RAB11FIP5: variants seen among roughly 807,000 people sequenced by gnomAD.
The protein encoded by RAB11FIP5 is RAB11 family interacting protein 5.
RAB11FIP5 carries 48 observed loss-of-function variants against 85.1 expected under a neutral mutation model. The ratio of observed to expected loss-of-function variants is 0.56; its 90% CI spans 0.45 to 0.72. The LOEUF is 0.72. RAB11FIP5 is among the 30% of genes least tolerant of loss of function. The probability of loss-of-function intolerance (pLI) is 0.00; values close to 1 mark genes in which losing one functional copy is unlikely to be tolerated. For missense variants in RAB11FIP5, 1,491 were observed against 1,687.0 expected, an observed-to-expected ratio of 0.88 and a Z score of 2.04; for synonymous variants, 729 against 727.3, an observed-to-expected ratio of 1.00 and a Z score of -0.04.
chr2:73,104,312 T>A (rs1178281634), intron 1 of RAB11FIP5, among the ~76,000 whole-genome samples: 4 of 152,094 alleles, frequency 2.6e-5, no homozygotes, highest in Non-Finnish European at 5.9e-5. Flanking sequence ...GTGTGGTGGC[T>A]CACACCTGTA....
chr2:73,109,440 T>C (rs779708671), intron 1 of RAB11FIP5, among the ~76,000 whole-genome samples: 1 of 152,248 alleles, frequency 6.6e-6, no homozygotes, highest in Non-Finnish European at 1.5e-5. Flanking sequence ...TGTACAACTC[T>C]ATGATTATTA....
intron 1 of RAB11FIP5, among the ~76,000 whole-genome samples, chr2:73,106,631 A>C (rs1684532899): frequency 6.6e-6 from 1 of 152,224 alleles, no homozygotes; most frequent in African/African-American, 2.4e-5. Flanking sequence ...ACTTCCACAG[A>C]AACTCCGGGG....
At position 73,112,769 on chromosome 2, in the gene RAB11FIP5, C is replaced by T. The variant is rs1392866835; in HGVS notation, c.9G>A (p.Leu3=). The T allele has an allele frequency of 6.9e-6, 10 of 1,448,708 alleles. No individual in the cohort carries two copies. The highest frequency in any genetic ancestry group is 9.0e-6 in the Non-Finnish European group (10 of 1,107,876). 89.7% of individuals were successfully genotyped at this position (1,448,708 alleles called of 1,614,324 possible). ...CCGCCGCCGGCTCCGCGCCCCGCACCAGGGCCATGGCGGAGAAGCGGGGGG... is the reference window on the plus strand; with the variant it reads ...CCGCCGCCGGCTCCGCGCCCCGCACTAGGGCCATGGCGGAGAAGCGGGGGG... The part of the protein sequence containing the change: MA[L]VRGAEPAAGP... The change falls in exon 1 of 6, where the codon CTG becomes CTA. Residue 3 remains leucine, a synonymous_variant. Coordinates refer to ENST00000486777, the MANE Select transcript of RAB11FIP5 (RefSeq NM_001371272.1).
rs905102578 is a variant in RAB11FIP5 at position 73,080,518 on chromosome 2, G to A, written c.2714C>T (p.Pro905Leu). ...LQPSTPPPKP[P>L]RLFTPSRSQE... ...GGATCTTGAGGGTGTGAAGAGGCGCGGTGGCTTGGGAGGTGGGGTGCTGGG... is the reference window on the plus strand; with the variant it reads ...GGATCTTGAGGGTGTGAAGAGGCGCAGTGGCTTGGGAGGTGGGGTGCTGGG... The change falls in exon 4 of 6, where the codon CCG becomes CTG. Residue 905 changes from proline to leucine, a missense_variant. By Grantham distance (98) the Pro-to-Leu change is moderately conservative. Coordinates refer to ENST00000486777, the MANE Select transcript of RAB11FIP5 (RefSeq NM_001371272.1). 39 of 1,232,876 alleles carry A rather than the reference G, an allele frequency of 3.2e-5. No homozygotes were observed. Among genetic ancestry groups the A allele is most frequent in the South Asian group, 4.1e-5 (1 of 24,326 alleles). 76.4% of individuals were successfully genotyped at this position (1,232,876 alleles called of 1,614,324 possible).
intron 1 of RAB11FIP5, among the ~76,000 whole-genome samples, chr2:73,101,973 A>G (rs1435228236): frequency 6.6e-6 from 1 of 152,234 alleles, no homozygotes; most frequent in Admixed American, 6.5e-5. Flanking sequence ...AGACAGCCAC[A>G]TAGCTAACGG....
chr2:73,111,210 T>C (rs1275274856), intron 1 of RAB11FIP5, among the ~76,000 whole-genome samples: 2 of 151,988 alleles, frequency 1.3e-5, no homozygotes, highest in African/African-American at 4.8e-5. Context: ...TCCACACCCA[T>C]GTTTCAGAAA....
rs1683919559 is a variant in RAB11FIP5 at position 73,079,248 on chromosome 2, C to A, written c.3581+403G>T. 2.0e-5 allele frequency among the ~76,000 whole-genome samples: 3 copies of A among 152,050 alleles called. No individual in the cohort carries two copies. The South Asian group carries it at 6.2e-4, about 32-fold the overall frequency. ...CTGCCACGGTCTGCCCCAAGAACTA[C>A]CCCCTGATTGACAAGTTCCACCGCC... On this transcript the variant is annotated intron_variant, in intron 4 of 5. Coordinates refer to ENST00000486777, the MANE Select transcript of RAB11FIP5 (RefSeq NM_001371272.1).
chr2:73,111,609 G>A (rs1684656686), intron 1 of RAB11FIP5, among the ~76,000 whole-genome samples: 2 of 152,228 alleles, frequency 1.3e-5, no homozygotes, highest in Admixed American at 1.3e-4. Flanking sequence ...AAGTGACCGG[G>A]AGATAATCTC....
Position 73,088,939 on chromosome 2 carries a change from G to C in RAB11FIP5, c.808C>G (p.Pro270Ala). ...GAGCGGGTGAGGAGTTCGGCGCCAGGTCCCTGGTAGGCCAAGCTCCCGCTG... is the reference window on the plus strand; with the variant it reads ...GAGCGGGTGAGGAGTTCGGCGCCAGCTCCCTGGTAGGCCAAGCTCCCGCTG... ...SASGSLAYQG[P>A]GAELLTRSPS... The change falls in exon 2 of 6, where the codon CCT becomes GCT. Residue 270 changes from proline to alanine, a missense_variant. Physicochemically the swap from Pro to Ala is conservative, Grantham distance 27. This residue lies in a region of RAB11FIP5 where 1,211 missense variants were observed against 1,338.0 expected (regional missense o/e 0.91). Transcript: ENST00000486777. 6.2e-7 allele frequency: 1 copy of C among 1,608,840 alleles called. No homozygotes were observed. Among genetic ancestry groups the C allele is most frequent in the Middle Eastern group, 1.7e-4 (1 of 6,016 alleles).
At chr2:73,094,780 G>A (rs2106116149) in intron 1 of RAB11FIP5, among the ~76,000 whole-genome samples, 1 of 152,248 alleles carries the variant, frequency 6.6e-6, no homozygotes, top group African/African-American at 2.4e-5. Context: ...AAGTCCCGAG[G>A]ACACGCTGCT....
At position 73,089,380 on chromosome 2, in the gene RAB11FIP5, AC is replaced by A; in HGVS notation, c.432-66del. 6.6e-7 allele frequency: 1 copy of A among 1,522,532 alleles called. No individual in the cohort carries two copies. The highest frequency in any genetic ancestry group is 9.0e-7 in the Non-Finnish European group (1 of 1,106,620). 94.3% of individuals were successfully genotyped at this position (1,522,532 alleles called of 1,614,324 possible). ...CCAGGGAGCCTGGCTCCCGCCCGGT[AC>A]CAGGCACTGCCCAGACCCCTCCTTG... On this transcript the variant is annotated intron_variant, in intron 1 of 5. Transcript: ENST00000486777. This position sits in a 1 kb window ranked among gnomAD's most constrained non-coding sequence, Gnocchi z 4.6.
chr2:73,098,702 G>A (rs888023438), intron 1 of RAB11FIP5, among the ~76,000 whole-genome samples: 3 of 152,010 alleles, frequency 2.0e-5, no homozygotes, highest in African/African-American at 7.3e-5. Flanking sequence ...CCCAACCAAG[G>A]AATCCAGAAT....
At chr2:73,106,592 T>C (rs1684531803) in intron 1 of RAB11FIP5, among the ~76,000 whole-genome samples, 2 of 152,192 alleles carry the variant, frequency 1.3e-5, no homozygotes, top group Non-Finnish European at 2.9e-5. Flanking sequence ...AGAAGCCCAA[T>C]GTCCCCATCT....
In RAB11FIP5 at chr2:73,081,118, CCTCCT is replaced by C. The variant is rs1683969567; in HGVS notation, c.2109_2113del (p.Gly704ArgfsTer34). ...TCTTCCTCCTCCTCCTCCTCCTCCT[CCTCCT>C]CCTCCCCCAGGCTCTCCCTGGGGCT... On this transcript the variant is annotated frameshift_variant, in exon 4 of 6. Transcript: ENST00000486777. LOFTEE classifies it high-confidence loss of function. This position sits in a 1 kb window ranked among gnomAD's most constrained non-coding sequence, Gnocchi z 4.2. 9 of 1,234,238 alleles carry C rather than the reference CCTCCT, an allele frequency of 7.3e-6. No individual in the cohort carries two copies. In the African/African-American group the frequency reaches 1.4e-4, roughly 19 times the overall value. 76.5% of individuals were successfully genotyped at this position (1,234,238 alleles called of 1,614,324 possible).
In RAB11FIP5 at chr2:73,107,294, G is replaced by A. The variant is rs556209901; in HGVS notation, c.431+5053C>T. On this transcript the variant is annotated intron_variant, in intron 1 of 5. Coordinates refer to ENST00000486777, the MANE Select transcript of RAB11FIP5 (RefSeq NM_001371272.1). Reference sequence around the variant, plus strand: ...TCTTGTATTCATCATCTGTCCCTGCGTAGGGTGAGAAGGGCAGGAGAACAT... The same window carrying A: ...TCTTGTATTCATCATCTGTCCCTGCATAGGGTGAGAAGGGCAGGAGAACAT... Among the ~76,000 whole-genome samples, 27 of 152,380 alleles carry A rather than the reference G, an allele frequency of 1.8e-4. No homozygotes were observed. The East Asian group carries it at 2.3e-3, about 13-fold the overall frequency.
At position 73,076,154 on chromosome 2, in the gene RAB11FIP5, C is replaced by T. The variant is rs528799264; in HGVS notation, c.3610G>A (p.Ala1204Thr). The change falls in exon 5 of 6, where the codon GCC (alanine) becomes ACC (threonine). Residue 1204 changes from alanine to threonine, a missense_variant. Coordinates refer to ENST00000486777, the MANE Select transcript of RAB11FIP5 (RefSeq NM_001371272.1). Reference protein sequence around the residue: ...SPHPVKPLSAAPVEGSPDRKQ... With the variant: ...SPHPVKPLSATPVEGSPDRKQ... ...CTGTCGGGGCTGCCCTCCACAGGGG[C>T]GGCACTGAGGGGCTTCACGGGGTGG... is the stretch of plus-strand genomic sequence containing the variant. 47 of 1,612,740 alleles carry T rather than the reference C, an allele frequency of 2.9e-5. No individual in the cohort carries two copies. The highest frequency in any genetic ancestry group is 1.3e-4 in the African/African-American group (10 of 75,014).
Position 73,081,021 on chromosome 2 carries a change from C to A in RAB11FIP5, c.2211G>T (p.Ala737=). The change falls in exon 4 of 6, where the codon GCG becomes GCT. Residue 737 remains alanine, a synonymous_variant. Coordinates refer to ENST00000486777, the MANE Select transcript of RAB11FIP5 (RefSeq NM_001371272.1). This position sits in a 1 kb window ranked among gnomAD's most constrained non-coding sequence, Gnocchi z 4.2. ...CCGACCCGAGGAGCCCTGGGTCAGCCGCGCTCGCGCTCTGGTGGTTCGGTC... is the reference window on the plus strand; with the variant it reads ...CCGACCCGAGGAGCCCTGGGTCAGCAGCGCTCGCGCTCTGGTGGTTCGGTC... The part of the protein sequence containing the change: ...DLGPNHQSAS[A]ADPGLLGSVG... 1 of 1,232,368 alleles carries A rather than the reference C, an allele frequency of 8.1e-7. No homozygotes were observed. Among genetic ancestry groups the A allele is most frequent in the East Asian group, 3.2e-5 (1 of 31,694 alleles). The allele number at this position is 1,232,368 out of a possible 1,614,324, so 76.3% of individuals were successfully genotyped here.
chr2:73,076,331 G>A (rs917945776), intron 4 of RAB11FIP5, 149 bp from the exon 5 acceptor site: 17 of 788,698 alleles, frequency 2.2e-5, no homozygotes, highest in Non-Finnish European at 2.8e-5. Context: ...AGGTTTCAGG[G>A]CAGCGGTGTC....
chr2:73,112,187 A>G lies in RAB11FIP5; in HGVS notation c.431+160T>C, dbSNP rs114521098. Among the ~76,000 whole-genome samples the G allele has an allele frequency of 5.6e-3, 859 of 152,296 alleles. 2 individuals carry two copies. The highest frequency in any genetic ancestry group is 0.02 in the African/African-American group (825 of 41,570). On this transcript the variant is annotated intron_variant, in intron 1 of 5. Transcript: ENST00000486777. ...CAGCGCACGTTTGGGAAGCTTGAAG[A>G]CGACCCCGAAATGCGAAGAACCAAC... is the stretch of plus-strand genomic sequence containing the variant.
Sources: gnomAD v4.1 joint callset for allele counts (sites outside exome capture counted in the v4.1 genomes callset) on GRCh38, gnomAD v4.1.1 for gene constraint, gnomAD v4.1.1 regional missense constraint, Gnocchi (gnomAD v3.1) non-coding constraint, MANE v1.5 for transcripts, NCBI Gene and HGNC (gene_info 2026-07-23, HGNC 2026-07-21) for gene names.